Variants in MED12L observed in about 807,000 individuals in gnomAD.
MED12L encodes mediator of RNA polymerase II transcription subunit 12-like protein.
In MED12L, 60 loss-of-function variants were observed where a neutral mutation model predicts 281.3. The observed-to-expected ratio is 0.21, with a 90% CI of 0.17 to 0.26. The LOEUF is 0.26. Ranked by LOEUF, MED12L falls within the 10% of genes least tolerant of loss-of-function variation. MED12L has a pLI of 1.00. For synonymous variants in MED12L, 974 were observed against 987.2 expected (o/e 0.99, Z 0.25); for missense variants, 2,146 against 2,680.9 (o/e 0.80, Z 4.41).
chr3:151,151,031 CTTTTTTTTTTT>C (rs573419924), intron 5 of MED12L, among the ~76,000 whole-genome samples: 2 of 32,888 alleles, frequency 6.1e-5, no homozygotes, highest in South Asian at 1.5e-3. Flanking sequence ...GCTGAAGTAG[CTTTTTTTTTTT>C]TTTTTTTTTT....
intron 32 of MED12L, among the ~76,000 whole-genome samples, chr3:151,380,649 C>A (rs1336771502): frequency 6.6e-6 from 1 of 150,794 alleles, no homozygotes; most frequent in Non-Finnish European, 1.5e-5. Flanking sequence ...TTTGAGTAGA[C>A]GCTGAGAAAC....
intron 16 of MED12L, among the ~76,000 whole-genome samples, chr3:151,300,501 C>T (rs1364395734): frequency 6.6e-6 from 1 of 152,146 alleles, no homozygotes; most frequent in Non-Finnish European, 1.5e-5. Context: ...AACATGATTT[C>T]CCCCACCCCT....
At chr3:151,224,216 T>C (rs557600238) in intron 16 of MED12L, among the ~76,000 whole-genome samples, 1 of 152,340 alleles carries the variant, frequency 6.6e-6, no homozygotes, top group South Asian at 2.1e-4. Flanking sequence ...CTTTTTTCAG[T>C]TCTTATAAAG....
intron 16 of MED12L, chr3:151,213,485 C>A (rs373767329): frequency 2.5e-6 from 4 of 1,614,140 alleles, no homozygotes; most frequent in Non-Finnish European, 3.4e-6. Context: ...AGAGTGAATT[C>A]TTTCATATAC....
At chr3:151,270,370 C>T (rs1330050746) in intron 16 of MED12L, among the ~76,000 whole-genome samples, 1 of 151,960 alleles carries the variant, frequency 6.6e-6, no homozygotes, top group African/African-American at 2.4e-5. Flanking sequence ...CCTTTCTGTT[C>T]CAAATTCATT....
chr3:151,248,777 G>C (rs958490449), intron 16 of MED12L: 3 of 151,880 alleles, frequency 2.0e-5, no homozygotes, highest in South Asian at 4.2e-4. Flanking sequence ...AAAAATTTAG[G>C]ATGTCAGCAC....
chr3:151,187,888 T>C (rs1463256833), intron 12 of MED12L, among the ~76,000 whole-genome samples: 1 of 152,208 alleles, frequency 6.6e-6, no homozygotes, highest in African/African-American at 2.4e-5. Context: ...ACATGAACTA[T>C]TTAAAAATGA....
At chr3:151,369,694 C>T in intron 26 of MED12L, 145 bp downstream of exon 26, 1 of 530,554 alleles carries the variant, frequency 1.9e-6, no homozygotes, top group Non-Finnish European at 3.3e-6. Flanking sequence ...AGTGGTTTCT[C>T]CTAGACCAAA....
In MED12L at chr3:151,295,338, G is replaced by T. The variant is rs1744945980; in HGVS notation, c.2251-54721G>T. ...TTAAAGATGTCATCAATGATTTACA[G>T]AGTCAAGGTAGCACATTGTTAATGT... On this transcript the variant is annotated intron_variant, in intron 16 of 44. Coordinates refer to ENST00000687756, the MANE Select transcript of MED12L (RefSeq NM_001393769.1). The T allele has an allele frequency of 1.3e-5, 8 of 639,990 alleles. No homozygotes were observed. In the East Asian group the frequency reaches 2.1e-4, roughly 17 times the overall value. 39.6% of individuals were successfully genotyped at this position (639,990 alleles called of 1,614,324 possible).
chr3:151,195,352 C>G (rs1437201536), intron 16 of MED12L, among the ~76,000 whole-genome samples: 2 of 151,662 alleles, frequency 1.3e-5, no homozygotes, highest in African/African-American at 4.8e-5. Flanking sequence ...AGTTAAAAGT[C>G]TCTTTTTTTG....
chr3:151,169,052 A>G (rs1428456591), intron 11 of MED12L, among the ~76,000 whole-genome samples: 3 of 151,674 alleles, frequency 2.0e-5, no homozygotes, highest in African/African-American at 7.3e-5. Context: ...ATATGTAATC[A>G]AGTTTTATCT....
At chr3:151,366,900 T>A (rs924360790) in intron 23 of MED12L, among the ~76,000 whole-genome samples, 1 of 152,166 alleles carries the variant, frequency 6.6e-6, no homozygotes, top group South Asian at 2.1e-4. Flanking sequence ...CTGCAATTCC[T>A]CATCTAAAAA....
At chr3:151,323,270 A>C (rs1749201593) in intron 16 of MED12L, among the ~76,000 whole-genome samples, 1 of 152,172 alleles carries the variant, frequency 6.6e-6, no homozygotes, top group Non-Finnish European at 1.5e-5. Context: ...AGCCTCTTTA[A>C]TTGACCTGGC....
At chr3:151,303,173 G>C (rs1052081490) in intron 16 of MED12L, among the ~76,000 whole-genome samples, 3 of 152,190 alleles carry the variant, frequency 2.0e-5, no homozygotes, top group Non-Finnish European at 2.9e-5. Context: ...TGATGCTGGT[G>C]AAAAGGGTTA....
intron 5 of MED12L, among the ~76,000 whole-genome samples, chr3:151,135,967 G>A (rs1187477066): frequency 6.6e-6 from 1 of 152,086 alleles, no homozygotes; most frequent in Admixed American, 6.5e-5. Flanking sequence ...GTCTTTTTTG[G>A]GGGAACAGAT....
At chr3:151,376,905 T>G (rs747381645) in intron 29 of MED12L, 31 bp downstream of exon 29, 1 of 1,612,502 alleles carries the variant, frequency 6.2e-7, no homozygotes, top group African/African-American at 1.3e-5. Flanking sequence ...TATCTCTGTA[T>G]GAAATTTTAT....
rs551851479 is a variant in MED12L, at chr3:151,319,001, G to C, written c.2251-31058G>C. 6.6e-4 allele frequency among the ~76,000 whole-genome samples: 101 copies of C among 152,216 alleles called. 1 individual carries two copies. The highest frequency in any genetic ancestry group is 3.4e-3 in the Middle Eastern group (1 of 294). ...GCCCGGGACGGTAGCCTAACAGCTG[G>C]CTTGGAGTGTTTCAGTGTTTCGTTG... On this transcript the variant is annotated intron_variant, in intron 16 of 44. Transcript: ENST00000687756.
At chr3:151,259,675 T>TG (rs1235619527) in intron 16 of MED12L, among the ~76,000 whole-genome samples, 1 of 152,222 alleles carries the variant, frequency 6.6e-6, no homozygotes, top group Non-Finnish European at 1.5e-5. Context: ...TTGCAGTGAA[T>TG]GCTACTATGT....
intron 19 of MED12L, among the ~76,000 whole-genome samples, chr3:151,356,821 A>G (rs779041537): frequency 4.3e-4 from 65 of 152,212 alleles, no homozygotes; most frequent in Non-Finnish European, 8.8e-4. Flanking sequence ...TAGCAAACAG[A>G]AATAAGACTT....
Sources: gnomAD v4.1 joint callset for allele counts (sites outside exome capture counted in the v4.1 genomes callset) on GRCh38, gnomAD v4.1.1 for gene constraint, MANE v1.5 for transcripts, NCBI Gene and HGNC (gene_info 2026-07-23, HGNC 2026-07-21) for gene names.